The following CLEC9A variants were observed in gnomAD, a reference collection of about 807,000 sequenced individuals.
CLEC9A encodes C-type lectin domain containing 9A.
A neutral mutation model predicts 30.0 loss-of-function variants in CLEC9A; 24 were observed. That is an observed-to-expected ratio of 0.80 (90% CI 0.58 to 1.13). CLEC9A has a LOEUF of 1.13. Ranked by LOEUF, CLEC9A falls within the 50% of genes most tolerant of loss-of-function variation. The probability of loss-of-function intolerance (pLI) is 0.00; values close to 1 mark genes in which losing one functional copy is unlikely to be tolerated. For synonymous variants in CLEC9A, 111 were observed against 96.8 expected, an observed-to-expected ratio of 1.15 and a Z score of -0.86; for missense variants, 251 against 280.9, an observed-to-expected ratio of 0.89 and a Z score of 0.76.
chr12:10,035,571 C>G (rs1364055215), intron 1 of CLEC9A, among the ~76,000 whole-genome samples: 1 of 152,188 alleles, frequency 6.6e-6, no homozygotes, highest in African/African-American at 2.4e-5. Context: ...TTCCCATAAT[C>G]GCACTGAGTA....
intron 8 of CLEC9A, among the ~76,000 whole-genome samples, chr12:10,065,295 T>C (rs1241524663): frequency 6.6e-6 from 1 of 152,226 alleles, no homozygotes; most frequent in Non-Finnish European, 1.5e-5. Flanking sequence ...TCTTTTTCTT[T>C]ACATGCTGTT....
At chr12:10,032,390 T>TTTC (rs1491497324) in intron 1 of CLEC9A, among the ~76,000 whole-genome samples, 38 of 9,212 alleles carry the variant, frequency 4.1e-3, no homozygotes, top group South Asian at 0.011. Context: ...TAGGGATTTC[T>TTTC]TTTTTTTTTT....
At chr12:10,047,975 T>G (rs577511843) in intron 2 of CLEC9A, among the ~76,000 whole-genome samples, 3 of 151,756 alleles carry the variant, frequency 2.0e-5, no homozygotes, top group Middle Eastern at 3.4e-3. Flanking sequence ...GCTCACGCCC[T>G]GTAATCCCAG....
chr12:10,048,226 C>T (rs186895379), intron 2 of CLEC9A, among the ~76,000 whole-genome samples: 1 of 140,544 alleles, frequency 7.1e-6, no homozygotes, highest in East Asian at 2.1e-4. Flanking sequence ...GGCGACAGAG[C>T]GAGACTCCGT....
intron 2 of CLEC9A, among the ~76,000 whole-genome samples, chr12:10,050,979 C>T (rs185476588): frequency 6.1e-4 from 93 of 152,120 alleles, no homozygotes; most frequent in Non-Finnish European, 9.7e-4. Flanking sequence ...CCGAGGAAGG[C>T]GGATCACCTG....
chr12:10,038,778 A>ATG (rs1237352170), intron 1 of CLEC9A, among the ~76,000 whole-genome samples: 1 of 152,186 alleles, frequency 6.6e-6, no homozygotes, highest in Admixed American at 6.5e-5. Context: ...ATAAAGTTAA[A>ATG]TGTGTGTGTG....
Position 10,063,149 on chromosome 12 carries a change from A to G in CLEC9A, c.414A>G (p.Gln138=). Residue 138 remains glutamine (Q), a synonymous_variant, in exon 7 of 9, where the codon CAA becomes CAG. Coordinates refer to ENST00000355819, the MANE Select transcript of CLEC9A (RefSeq NM_207345.4). The stretch of plus-strand genomic sequence containing the variant: ...TTTGGAGCATTTGGCACACCAGTCA[A>G]GAGAATTGTTTAAAGGAAGGTTCCA... ...SEIWSIWHTS[Q]ENCLKEGSTL... 6.2e-7 allele frequency: 1 copy of G among 1,611,994 alleles called. No individual in the cohort carries two copies. Among genetic ancestry groups the G allele is most frequent in the Non-Finnish European group, 8.5e-7 (1 of 1,179,234 alleles).
chr12:10,056,058 C>CAAAAAA (rs58274495), intron 5 of CLEC9A, among the ~76,000 whole-genome samples: 1 of 47,524 alleles, frequency 2.1e-5, no homozygotes, highest in Non-Finnish European at 3.5e-5. Flanking sequence ...GACTCTGTCT[C>CAAAAAA]AAAAAAAAAA....
Position 10,054,315 on chromosome 12 carries a change from G to C in CLEC9A, c.136G>C (p.Gly46Arg). 1 of 1,612,468 alleles carries C rather than the reference G, an allele frequency of 6.2e-7. No homozygotes were observed. The highest frequency in any genetic ancestry group is 8.5e-7 in the Non-Finnish European group (1 of 1,179,166). Residue 46 changes from glycine (G) to arginine (R), a missense_variant, in exon 5 of 9, where the codon GGA becomes CGA. Gly to Arg is a moderately radical substitution (Grantham distance 125). Coordinates refer to ENST00000355819, the MANE Select transcript of CLEC9A (RefSeq NM_207345.4). ...GGTGATTTCATGTGTTTTCTGCATGGGATTATTAACAGCATCCATTTTCTT... is the reference window on the plus strand; with the variant it reads ...GGTGATTTCATGTGTTTTCTGCATGCGATTATTAACAGCATCCATTTTCTT... Reference protein sequence around the residue: ...VMVISCVFCMGLLTASIFLGV... With the variant: ...VMVISCVFCMRLLTASIFLGV...
intron 5 of CLEC9A, among the ~76,000 whole-genome samples, chr12:10,059,824 C>A (rs1187680249): frequency 6.6e-6 from 1 of 151,976 alleles, no homozygotes; most frequent in Non-Finnish European, 1.5e-5. Context: ...AGGATTAGAA[C>A]CTAGAATGTA....
At chr12:10,063,246 T>C in intron 7 of CLEC9A, 40 bp downstream of exon 7, 2 of 1,466,354 alleles carry the variant, frequency 1.4e-6, no homozygotes. Flanking sequence ...TCTGAAAATA[T>C]CATTTTACTT....
intron 2 of CLEC9A, among the ~76,000 whole-genome samples, chr12:10,051,656 A>C (rs552797740): frequency 1.3e-5 from 2 of 152,298 alleles, no homozygotes; most frequent in South Asian, 4.1e-4. Flanking sequence ...AAACAGTGTA[A>C]TTTTGCATAT....
intron 8 of CLEC9A, among the ~76,000 whole-genome samples, 199 bp downstream of exon 8, chr12:10,065,052 ATTATC>A (rs1228796983): frequency 1.3e-5 from 2 of 152,142 alleles, no homozygotes; most frequent in African/African-American, 2.4e-5. Context: ...CCCTGCTTCT[ATTATC>A]TTATAGAAAA....
intron 1 of CLEC9A, among the ~76,000 whole-genome samples, chr12:10,035,011 G>T (rs932989308): frequency 6.6e-6 from 1 of 152,222 alleles, no homozygotes; most frequent in Non-Finnish European, 1.5e-5. Context: ...GTAGCTCTCA[G>T]CGGATGGTGG....
At chr12:10,061,697 G>A (rs1364791969) in intron 6 of CLEC9A, among the ~76,000 whole-genome samples, 4 of 152,130 alleles carry the variant, frequency 2.6e-5, no homozygotes, top group Non-Finnish European at 5.9e-5. Flanking sequence ...GAAAATGAGA[G>A]TATTTACCAC....
At chr12:10,063,259 T>G (rs570123813) in intron 7 of CLEC9A, 53 bp downstream of exon 7, 1 of 1,428,890 alleles carries the variant, frequency 7.0e-7, no homozygotes, top group East Asian at 2.6e-5. Flanking sequence ...TTTTACTTAT[T>G]AAAAGAAATC....
intron 2 of CLEC9A, among the ~76,000 whole-genome samples, chr12:10,047,359 T>G (rs965847826): frequency 9.9e-5 from 15 of 152,256 alleles, no homozygotes; most frequent in African/African-American, 3.4e-4. Flanking sequence ...GATAGTATTT[T>G]AGTGCATGGC....
chr12:10,060,819 GTTTC>G (rs1865990176), intron 5 of CLEC9A: 1 of 250,770 alleles, frequency 4.0e-6, no homozygotes, highest in Non-Finnish European at 7.6e-6. Flanking sequence ...CATTTGTAAA[GTTTC>G]TTTTTGTTTT....
At chr12:10,064,204 T>G (rs1215881226) in intron 7 of CLEC9A, among the ~76,000 whole-genome samples, 1 of 152,194 alleles carries the variant, frequency 6.6e-6, no homozygotes, top group Non-Finnish European at 1.5e-5. Context: ...GTTAAGGATA[T>G]GCAGTAAACC....
Sources: gnomAD v4.1 joint callset for allele counts (sites outside exome capture counted in the v4.1 genomes callset) on GRCh38, gnomAD v4.1.1 for gene constraint, MANE v1.5 for transcripts, NCBI Gene and HGNC (gene_info 2026-07-23, HGNC 2026-07-21) for gene names.